Variants in GNAO1 observed in about 807,000 individuals in gnomAD.
The protein encoded by GNAO1 is guanine nucleotide-binding protein G(o) subunit alpha.
For missense variants in GNAO1, 166 were observed against 478.7 expected (o/e 0.35, Z 6.10); for synonymous variants, 164 against 180.7 (o/e 0.91, Z 0.74).
At chr16:56,265,639 T>A (rs114909466) in intron 2 of GNAO1, among the ~76,000 whole-genome samples, 1,731 of 152,292 alleles carry the variant, frequency 0.011, 34 homozygotes, top group African/African-American at 0.039. Context: ...CTGTGTGGGC[T>A]ATAATCTATA....
chr16:56,220,932 G>C (rs184151220), intron 2 of GNAO1, among the ~76,000 whole-genome samples: 2 of 152,218 alleles, frequency 1.3e-5, no homozygotes, highest in Admixed American at 1.3e-4. Flanking sequence ...AGTTTTAGTA[G>C]AGACAGGGTT....
chr16:56,343,857 C>G, intron 6 of GNAO1: 1 of 1,614,074 alleles, frequency 6.2e-7, no homozygotes, highest in Non-Finnish European at 8.5e-7. Context: ...CCCACGTCAC[C>G]TGCGCCACGG....
chr16:56,301,571 T>C (rs1165837953), intron 3 of GNAO1: 1 of 152,258 alleles, frequency 6.6e-6, no homozygotes, highest in Non-Finnish European at 1.5e-5. Context: ...ATTATTTTTA[T>C]GTATGTGCAT....
intron 3 of GNAO1, among the ~76,000 whole-genome samples, chr16:56,286,430 CAT>C (rs1257901162): frequency 6.6e-6 from 1 of 152,316 alleles, no homozygotes; most frequent in East Asian, 1.9e-4. Flanking sequence ...TTCAGACACA[CAT>C]GTGGGGAGTG....
chr16:56,282,509 G>A (rs573448055), intron 3 of GNAO1, among the ~76,000 whole-genome samples: 1 of 152,308 alleles, frequency 6.6e-6, no homozygotes, highest in East Asian at 1.9e-4. Context: ...GCCACCCAAG[G>A]TCATATTACC....
intron 2 of GNAO1, among the ~76,000 whole-genome samples, chr16:56,261,859 A>G (rs1033415589): frequency 6.6e-6 from 1 of 152,154 alleles, no homozygotes; most frequent in South Asian, 2.1e-4. Flanking sequence ...CCATCTTTCC[A>G]AACAAACGTC....
chr16:56,276,107 G>C (rs1470107478), intron 3 of GNAO1, 35 bp downstream of exon 3: 1 of 1,590,622 alleles, frequency 6.3e-7, no homozygotes, highest in Middle Eastern at 1.7e-4. Context: ...AGCAACAAGA[G>C]GTTCTGTCTG....
intron 3 of GNAO1, among the ~76,000 whole-genome samples, chr16:56,327,888 C>G (rs2037651800): frequency 6.6e-6 from 1 of 152,136 alleles, no homozygotes; most frequent in Non-Finnish European, 1.5e-5. Context: ...TAGGAGCTTC[C>G]CCTGCCCCCA....
chr16:56,224,945 C>G (rs577158320), intron 2 of GNAO1, among the ~76,000 whole-genome samples: 1 of 152,352 alleles, frequency 6.6e-6, no homozygotes, highest in East Asian at 1.9e-4. Flanking sequence ...GCCTCAGGGA[C>G]AGAGCTGTGC....
intron 4 of GNAO1, among the ~76,000 whole-genome samples, chr16:56,332,650 C>T (rs1266300349): frequency 2.0e-5 from 3 of 152,256 alleles, no homozygotes; most frequent in African/African-American, 7.2e-5. Flanking sequence ...ACAGCAGGTG[C>T]ACAGTCAGCC....
At chr16:56,268,779 G>A (rs1054788975) in intron 2 of GNAO1, among the ~76,000 whole-genome samples, 1 of 152,124 alleles carries the variant, frequency 6.6e-6, no homozygotes, top group African/African-American at 2.4e-5. Flanking sequence ...TATGAAAACA[G>A]CTGCACAGGA....
At chr16:56,246,854 C>T (rs768267973) in intron 2 of GNAO1, among the ~76,000 whole-genome samples, 6 of 152,100 alleles carry the variant, frequency 3.9e-5, no homozygotes, top group Non-Finnish European at 7.4e-5. Flanking sequence ...TTTTAAAGAG[C>T]GAATGTTTAA....
At chr16:56,306,281 A>T (rs1241008429) in intron 3 of GNAO1, among the ~76,000 whole-genome samples, 1 of 152,204 alleles carries the variant, frequency 6.6e-6, no homozygotes, top group Non-Finnish European at 1.5e-5. Context: ...ACAACCTGGA[A>T]TCTTCAGCGG....
At chr16:56,278,407 C>G (rs1281216432) in intron 3 of GNAO1, among the ~76,000 whole-genome samples, 1 of 152,200 alleles carries the variant, frequency 6.6e-6, no homozygotes. Flanking sequence ...GGAGTGAACC[C>G]GAGACCCAGG....
chr16:56,313,868 C>T (rs2037482975), intron 3 of GNAO1, among the ~76,000 whole-genome samples: 1 of 152,152 alleles, frequency 6.6e-6, no homozygotes, highest in South Asian at 2.1e-4. Flanking sequence ...ACTACAAGTA[C>T]ACACCACTCC....
At chr16:56,305,573 G>T (rs566658428) in intron 3 of GNAO1, among the ~76,000 whole-genome samples, 1 of 152,258 alleles carries the variant, frequency 6.6e-6, no homozygotes, top group East Asian at 1.9e-4. Context: ...GATGGGCGGA[G>T]GGCAGTGGGT....
intron 3 of GNAO1, among the ~76,000 whole-genome samples, chr16:56,318,053 G>A (rs1157077443): frequency 6.6e-6 from 1 of 152,148 alleles, no homozygotes; most frequent in South Asian, 2.1e-4. Flanking sequence ...TCTAACGTGC[G>A]CCCGGGGTGG....
intron 2 of GNAO1, among the ~76,000 whole-genome samples, chr16:56,253,039 G>A (rs112766936): frequency 1.8e-4 from 28 of 152,264 alleles, no homozygotes; most frequent in African/African-American, 6.3e-4. Flanking sequence ...AGCTGCCCTC[G>A]GCTAACCTCT....
At chr16:56,261,228 T>C (rs1457826062) in intron 2 of GNAO1, among the ~76,000 whole-genome samples, 2 of 152,182 alleles carry the variant, frequency 1.3e-5, no homozygotes, top group African/African-American at 4.8e-5. Flanking sequence ...GAGCCCCCAT[T>C]TGGGGTGATC....
Sources: gnomAD v4.1 joint callset for allele counts (sites outside exome capture counted in the v4.1 genomes callset) on GRCh38, gnomAD v4.1.1 for gene constraint, MANE v1.5 for transcripts, NCBI Gene and HGNC (gene_info 2026-07-23, HGNC 2026-07-21) for gene names.